Variants in USP47 observed in about 807,000 individuals in gnomAD.
USP47 encodes the protein ubiquitin specific peptidase 47, also known as ubiquitin carboxyl-terminal hydrolase 47.
USP47 carries 35 observed loss-of-function variants against 165.1 expected under a neutral mutation model. The ratio of observed to expected loss-of-function variants is 0.21; its 90% CI spans 0.16 to 0.28. The LOEUF (loss-of-function observed/expected upper bound fraction) is 0.28. Among genes scored for constraint, USP47 ranks in the 10% least tolerant of loss-of-function variants. The pLI is 1.00. For synonymous variants in USP47, 531 were observed against 544.5 expected (o/e 0.98, Z 0.35); for missense variants, 1,277 against 1,607.4 (o/e 0.79, Z 3.52).
chr11:11,872,937 T>C (rs753836207), intron 1 of USP47, among the ~76,000 whole-genome samples: 12 of 152,160 alleles, frequency 7.9e-5, no homozygotes, highest in Non-Finnish European at 1.3e-4. Context: ...CTGAATGTTT[T>C]GGCATACAAA....
At chr11:11,889,417 A>G (rs557449947) in intron 3 of USP47, among the ~76,000 whole-genome samples, 4 of 152,242 alleles carry the variant, frequency 2.6e-5, no homozygotes, top group South Asian at 2.1e-4. Flanking sequence ...TATACCAACA[A>G]CAGGCAAGCA....
chr11:11,891,864 G>A, intron 3 of USP47, 104 bp from the exon 4 acceptor site: 2 of 1,417,904 alleles, frequency 1.4e-6, no homozygotes, highest in Non-Finnish European at 1.9e-6. Context: ...TTTCCAGAGT[G>A]TTTTGTATCA....
At chr11:11,860,061 G>A (rs1002338545) in intron 1 of USP47, among the ~76,000 whole-genome samples, 3 of 148,912 alleles carry the variant, frequency 2.0e-5, no homozygotes, top group Admixed American at 6.7e-5. Context: ...CCAAGATCGC[G>A]CCACTGCACT....
rs777314680 is a variant in USP47 at position 11,942,839 on chromosome 11, G to A, written c.2818G>A (p.Asp940Asn). 8.1e-6 allele frequency: 13 copies of A among 1,613,698 alleles called. No individual in the cohort carries two copies. The Admixed American group carries it at 2.0e-4, about 25-fold the overall frequency. The change falls in exon 20 of 28, where the codon GAT (aspartate) becomes AAT (asparagine). Residue 940 changes from aspartate (D) to asparagine (N), a missense_variant. By Grantham distance (23) the Asp-to-Asn change is conservative. Around this residue, in one of 4 missense-constraint regions of USP47, gnomAD observed 909 missense variants for 1,068.1 expected, o/e 0.85. Transcript: ENST00000527733. ...CAGGAGTACAAGTTCAGTGGACAGT[G>A]ATATTCTTAGCTCCAGTCATAGCAG... is the stretch of plus-strand genomic sequence containing the variant. ...NDRSTSSVDS[D>N]ILSSSHSSDT...
chr11:11,856,202 G>T (rs1849028623), intron 1 of USP47, among the ~76,000 whole-genome samples: 1 of 151,900 alleles, frequency 6.6e-6, no homozygotes, highest in Non-Finnish European at 1.5e-5. Flanking sequence ...GACATTAGGG[G>T]GCAAAAAATA....
At chr11:11,843,830 T>G (rs1044427037) in intron 1 of USP47, among the ~76,000 whole-genome samples, 1 of 152,200 alleles carries the variant, frequency 6.6e-6, no homozygotes, top group Non-Finnish European at 1.5e-5. Context: ...AGTTTAAAGA[T>G]TAAATGCCTG....
chr11:11,933,686 AAGTG>A, intron 15 of USP47, 141 bp from the exon 16 acceptor site: 1 of 563,890 alleles, frequency 1.8e-6, no homozygotes, highest in South Asian at 2.2e-5. Flanking sequence ...GTCAATTACT[AAGTG>A]AGAAAGAATA....
At chr11:11,920,319 C>T in intron 9 of USP47, 23 bp from the exon 10 acceptor site, 1 of 1,606,302 alleles carries the variant, frequency 6.2e-7, no homozygotes, top group Non-Finnish European at 8.5e-7. Flanking sequence ...AGACTCTCCC[C>T]CTTTTTGTTG....
At chr11:11,937,676 A>T (rs2134741986) in intron 17 of USP47, among the ~76,000 whole-genome samples, 1 of 151,364 alleles carries the variant, frequency 6.6e-6, no homozygotes, top group East Asian at 2.0e-4. Context: ...GCAAGTGTGG[A>T]TTGTAAGACT....
chr11:11,885,282 T>C (rs1055752808), intron 3 of USP47, among the ~76,000 whole-genome samples: 1 of 151,988 alleles, frequency 6.6e-6, no homozygotes, highest in Non-Finnish European at 1.5e-5. Context: ...ACAGTGCTCA[T>C]GGAGAGGAGT....
chr11:11,955,304 AT>A, intron 27 of USP47, 140 bp downstream of exon 27: 1 of 1,082,242 alleles, frequency 9.2e-7, no homozygotes, highest in Non-Finnish European at 1.2e-6. Flanking sequence ...GCCAAACATG[AT>A]TATAATTTGA....
At chr11:11,901,249 A>AG (rs1384475066) in intron 5 of USP47, among the ~76,000 whole-genome samples, 1 of 152,216 alleles carries the variant, frequency 6.6e-6, no homozygotes, top group Admixed American at 6.5e-5. Context: ...AAGAAAAGAA[A>AG]AAGTCTTTTA....
intron 13 of USP47, 46 bp from the exon 14 acceptor site, chr11:11,930,650 T>C: frequency 7.2e-7 from 1 of 1,393,190 alleles, no homozygotes; most frequent in South Asian, 1.3e-5. Flanking sequence ...TGGAATCTTT[T>C]TAATCTACTT....
rs1853605317 is a variant in USP47 at position 11,918,698 on chromosome 11, T to C, written c.970-1458T>C. Among the ~76,000 whole-genome samples the C allele has an allele frequency of 2.0e-5, 3 of 152,152 alleles. No homozygotes were observed. In the South Asian group the frequency reaches 6.2e-4, roughly 32 times the overall value. On this transcript the variant is annotated intron_variant, in intron 8 of 27. Transcript: ENST00000527733. ...TAAACTTTTCTCCAAGTTTTAATTT[T>C]TTTTAAAGATCTCTAGGTATTAACT...
chr11:11,937,231 G>A (rs1425810126), intron 17 of USP47, among the ~76,000 whole-genome samples: 4 of 151,832 alleles, frequency 2.6e-5, no homozygotes, highest in Non-Finnish European at 5.9e-5. Context: ...TAGAAGAAAA[G>A]CAGAATGTTT....
At chr11:11,912,866 A>G (rs1429744250) in intron 8 of USP47, among the ~76,000 whole-genome samples, 1 of 152,160 alleles carries the variant, frequency 6.6e-6, no homozygotes, top group Non-Finnish European at 1.5e-5. Flanking sequence ...TTTAAAAATC[A>G]ATGAGTATAA....
intron 1 of USP47, among the ~76,000 whole-genome samples, chr11:11,854,987 C>T (rs1331675098): frequency 6.0e-5 from 9 of 150,554 alleles, no homozygotes; most frequent in Middle Eastern, 7.0e-3. Flanking sequence ...CCCAGCTACT[C>T]GGGAGGCTGA....
intron 1 of USP47, among the ~76,000 whole-genome samples, chr11:11,877,762 A>G (rs754835922): frequency 6.7e-6 from 1 of 149,368 alleles, no homozygotes; most frequent in Non-Finnish European, 1.5e-5. Context: ...ATGCATGCAT[A>G]GCCTTTCTCT....
chr11:11,892,378 T>C, intron 4 of USP47, among the ~76,000 whole-genome samples: 1 of 135,540 alleles, frequency 7.4e-6, no homozygotes, highest in African/African-American at 3.0e-5. Flanking sequence ...CTTTTTAATT[T>C]TCTTTTTTTT....
Sources: allele counts gnomAD v4.1 joint callset (sites outside exome capture counted in the v4.1 genomes callset), GRCh38; gene constraint gnomAD v4.1.1; regional missense constraint gnomAD v4.1.1; transcripts MANE v1.5; gene names NCBI Gene and HGNC (gene_info 2026-07-23, HGNC 2026-07-21).